PLXNA4: variants seen among roughly 807,000 people sequenced by gnomAD.
PLXNA4 encodes plexin-A4.
In PLXNA4, 44 loss-of-function variants were observed where a neutral mutation model predicts 191.8. The observed-to-expected ratio is 0.23, with a 90% CI of 0.18 to 0.29. The LOEUF (loss-of-function observed/expected upper bound fraction) is 0.29. Ranked by LOEUF, PLXNA4 falls within the 10% of genes least tolerant of loss-of-function variation. The probability of loss-of-function intolerance (pLI) is 1.00; values close to 1 mark genes in which losing one functional copy is unlikely to be tolerated. For synonymous variants in PLXNA4, 1,082 were observed against 1,009.5 expected, an observed-to-expected ratio of 1.07 and a Z score of -1.36; for missense variants, 1,800 against 2,488.8, an observed-to-expected ratio of 0.72 and a Z score of 5.89.
Position 132,130,037 on chromosome 7 carries a change from C to A in PLXNA4, c.*442G>T. 5.5e-6 allele frequency: 1 copy of A among 181,294 alleles called. No homozygotes were observed. Among genetic ancestry groups the A allele is most frequent in the Non-Finnish European group, 1.2e-5 (1 of 84,290 alleles). 11.2% of individuals were successfully genotyped at this position (181,294 alleles called of 1,614,324 possible). On this transcript the variant is annotated 3_prime_UTR_variant, in exon 32 of 32. Coordinates refer to ENST00000321063, the MANE Select transcript of PLXNA4 (RefSeq NM_020911.2). ...AGTAAAGATAATACTGAAGTCCTTC[C>A]TTGCCTCTTCCCTAGGCCAAGGCTC...
At chr7:132,173,138 T>C (rs55778272) in intron 21 of PLXNA4, among the ~76,000 whole-genome samples, 3,648 of 152,294 alleles carry the variant, frequency 0.024, 69 homozygotes, top group Non-Finnish European at 0.037. Flanking sequence ...GGTCTTATCT[T>C]CTTGTCCCTC....
At chr7:132,304,765 C>T (rs1044888398) in intron 3 of PLXNA4, among the ~76,000 whole-genome samples, 2 of 152,130 alleles carry the variant, frequency 1.3e-5, no homozygotes, top group African/African-American at 4.8e-5. Flanking sequence ...TGAGATTTTG[C>T]AACCACCCCC....
At chr7:132,547,396 C>T (rs1800356745) in intron 1 of PLXNA4, among the ~76,000 whole-genome samples, 1 of 152,096 alleles carries the variant, frequency 6.6e-6, no homozygotes, top group South Asian at 2.1e-4. Context: ...TTCTTAAACC[C>T]CCCCACACCT....
chr7:132,303,805 C>CT (rs1413823941), intron 3 of PLXNA4, among the ~76,000 whole-genome samples: 1 of 152,178 alleles, frequency 6.6e-6, no homozygotes, highest in Non-Finnish European at 1.5e-5. Flanking sequence ...GGCCTGTCTC[C>CT]TGGAGGGCTC....
intron 2 of PLXNA4, among the ~76,000 whole-genome samples, chr7:132,613,496 C>T (rs531352521): frequency 6.6e-6 from 1 of 152,320 alleles, no homozygotes; most frequent in Non-Finnish European, 1.5e-5. Context: ...CACTGCTGTT[C>T]ACCCATATTC....
intron 3 of PLXNA4, among the ~76,000 whole-genome samples, chr7:132,299,547 A>G (rs17166313): frequency 0.046 from 6,937 of 152,150 alleles, 420 homozygotes; most frequent in Admixed American, 0.18. Flanking sequence ...GATTTTTAAA[A>G]TTTCCTTTTA....
chr7:132,474,180 C>T lies in PLXNA4; in HGVS notation c.1371+15112G>A, dbSNP rs181850263. 1.6e-4 allele frequency among the ~76,000 whole-genome samples: 24 copies of T among 148,168 alleles called. No individual in the cohort carries two copies. In the Admixed American group the frequency reaches 1.6e-3, roughly 10 times the overall value. On this transcript the variant is annotated intron_variant, in intron 3 of 31. Transcript: ENST00000321063. ...GCAAAGAATCCTTACGGGGTCAGACCCACAGGGCTGAGCCAAGATCAGATC... is the reference window on the plus strand; with the variant it reads ...GCAAAGAATCCTTACGGGGTCAGACTCACAGGGCTGAGCCAAGATCAGATC...
At position 132,474,169 on chromosome 7, in the gene PLXNA4, C is replaced by T. The variant is rs910728500; in HGVS notation, c.1371+15123G>A. On this transcript the variant is annotated intron_variant, in intron 3 of 31. Coordinates refer to ENST00000321063, the MANE Select transcript of PLXNA4 (RefSeq NM_020911.2). ...TAGCAGTGGAAGCAAAGAATCCTTA[C>T]GGGGTCAGACCCACAGGGCTGAGCC... is the stretch of plus-strand genomic sequence containing the variant. 4.6e-5 allele frequency among the ~76,000 whole-genome samples: 7 copies of T among 151,814 alleles called. No homozygotes were observed. In the East Asian group the frequency reaches 5.8e-4, roughly 13 times the overall value.
chr7:132,434,404 G>C (rs1795389468), intron 3 of PLXNA4, among the ~76,000 whole-genome samples: 1 of 152,216 alleles, frequency 6.6e-6, no homozygotes, highest in Non-Finnish European at 1.5e-5. Context: ...GGAGGGCAGA[G>C]AGGTAGGTGA....
At chr7:132,580,644 T>C (rs746373023), upstream of PLXNA4, among the ~76,000 whole-genome samples, 2 of 152,202 alleles carry the variant, frequency 1.3e-5, no homozygotes, top group Non-Finnish European at 2.9e-5. Context: ...AGGACCAGTT[T>C]AATAGGAAAG....
At chr7:132,497,871 C>T (rs550743942) in intron 2 of PLXNA4, among the ~76,000 whole-genome samples, 37 of 152,240 alleles carry the variant, frequency 2.4e-4, no homozygotes, top group South Asian at 1.9e-3. Flanking sequence ...ATGATTCTTT[C>T]GGGTGTCTTT....
intron 3 of PLXNA4, among the ~76,000 whole-genome samples, chr7:132,433,357 C>T (rs1449819870): frequency 1.3e-5 from 2 of 152,220 alleles, no homozygotes; most frequent in African/African-American, 4.8e-5. Context: ...TTCTACCCTA[C>T]ATACCCAGCA....
chr7:132,125,860 G>C lies in PLXNA4; in HGVS notation c.*4619C>G, dbSNP rs1294612563. On this transcript the variant is annotated 3_prime_UTR_variant, in exon 32 of 32. Coordinates refer to ENST00000321063, the MANE Select transcript of PLXNA4 (RefSeq NM_020911.2). ...GACCCCTTGAAGGCCTTGAAGAGCT[G>C]GCTGGGGCTGCTCACTGGGCTCACT... is the stretch of plus-strand genomic sequence containing the variant. 6.6e-6 allele frequency: 1 copy of C among 152,406 alleles called. No homozygotes were observed. Among genetic ancestry groups the C allele is most frequent in the Admixed American group, 6.5e-5 (1 of 15,272 alleles). 9.4% of individuals were successfully genotyped at this position (152,406 alleles called of 1,614,324 possible).
At chr7:132,356,182 G>A (rs1803698519) in intron 3 of PLXNA4, among the ~76,000 whole-genome samples, 1 of 151,422 alleles carries the variant, frequency 6.6e-6, no homozygotes, top group Non-Finnish European at 1.5e-5. Flanking sequence ...GAGAAGCTGG[G>A]GTTCTATTTT....
intron 3 of PLXNA4, among the ~76,000 whole-genome samples, chr7:132,475,969 G>C (rs1164596501): frequency 6.6e-6 from 1 of 152,190 alleles, no homozygotes; most frequent in Non-Finnish European, 1.5e-5. Context: ...ACATGAGGGA[G>C]GTGGATGCAA....
At chr7:132,148,280 T>G (rs558098767) in intron 26 of PLXNA4, among the ~76,000 whole-genome samples, 2 of 152,324 alleles carry the variant, frequency 1.3e-5, no homozygotes, top group Admixed American at 1.3e-4. Flanking sequence ...CAGCCTTAAA[T>G]GCCCAGAGGA....
intron 3 of PLXNA4, among the ~76,000 whole-genome samples, chr7:132,318,572 A>G (rs1249364878): frequency 2.7e-5 from 4 of 150,924 alleles, no homozygotes; most frequent in African/African-American, 9.8e-5. Context: ...CAACTTGCAC[A>G]TCTTTACCTC....
At chr7:132,554,126 A>T (rs1336795886) in intron 1 of PLXNA4, among the ~76,000 whole-genome samples, 2 of 152,214 alleles carry the variant, frequency 1.3e-5, no homozygotes, top group Non-Finnish European at 2.9e-5. Flanking sequence ...GACTATTTTC[A>T]AACCAAAAAT....
chr7:132,345,436 A>G (rs1295827814), intron 3 of PLXNA4, among the ~76,000 whole-genome samples: 4 of 152,220 alleles, frequency 2.6e-5, no homozygotes, highest in African/African-American at 7.2e-5. Flanking sequence ...TACCCAGCAC[A>G]TTGATCTCTC....
Sources: gnomAD v4.1 joint callset for allele counts (sites outside exome capture counted in the v4.1 genomes callset) on GRCh38, gnomAD v4.1.1 for gene constraint, MANE v1.5 for transcripts, NCBI Gene and HGNC (gene_info 2026-07-23, HGNC 2026-07-21) for gene names.